PLCZ1: variants seen among roughly 807,000 people sequenced by gnomAD.
The protein encoded by PLCZ1 is phospholipase C zeta 1.
In PLCZ1, 64 loss-of-function variants were observed where a neutral mutation model predicts 76.8. The observed-to-expected ratio is 0.83, with a 90% CI of 0.68 to 1.03. The LOEUF (loss-of-function observed/expected upper bound fraction) is 1.03. PLCZ1 is among the 50% of genes least tolerant of loss of function. The pLI is 0.00. For synonymous variants in PLCZ1, 248 were observed against 230.8 expected (o/e 1.07, Z -0.68); for missense variants, 751 against 713.7 (o/e 1.05, Z -0.60).
In PLCZ1 at chr12:18,696,322, C is replaced by CTATATATATATATCATA. The variant is rs1555180102; in HGVS notation, c.1175-57_1175-56insTATGATATATATATATA. The CTATATATATATATCATA allele has an allele frequency of 1.6e-5, 4 of 253,028 alleles. No homozygotes were observed. In the African/African-American group the frequency reaches 2.4e-4, roughly 15 times the overall value. The allele number at this position is 253,028 out of a possible 1,614,324, so 15.7% of individuals were successfully genotyped here. On this transcript the variant is annotated intron_variant, in intron 10 of 14. Transcript: ENST00000266505. ...GAATTCAAATAAATTTAAAAAGCCACTATATATATATATATATATATATAT... is the reference window on the plus strand; with the variant it reads ...GAATTCAAATAAATTTAAAAAGCCACTATATATATATATCATATATATATATATATATATATATATAT...
chr12:18,705,202 C>CAT lies in PLCZ1; in HGVS notation c.826_827dup (p.Met276IlefsTer16). The CAT allele has an allele frequency of 1.2e-6, 2 of 1,613,984 alleles. No homozygotes were observed. Among genetic ancestry groups the CAT allele is most frequent in the Non-Finnish European group, 1.7e-6 (2 of 1,179,990 alleles). ...GTAGAGTATCAGGAAAATCATCAAGCATATCAGAAAGCAAGGACTCTCCAA... is the reference window on the plus strand; with the variant it reads ...GTAGAGTATCAGGAAAATCATCAAGCATATATCAGAAAGCAAGGACTCTCCAA... On this transcript the variant is annotated frameshift_variant, in exon 7 of 15. Transcript: ENST00000266505. LOFTEE classifies it high-confidence loss of function.
At chr12:18,694,043 A>G in intron 12 of PLCZ1, 7 of 1,395,790 alleles carry the variant, frequency 5.0e-6, no homozygotes, top group East Asian at 2.3e-5. Flanking sequence ...CAAAAAATCT[A>G]AAGAAAATGT....
At chr12:18,709,882 G>A (rs967422814) in intron 6 of PLCZ1, among the ~76,000 whole-genome samples, 22 of 151,706 alleles carry the variant, frequency 1.5e-4, no homozygotes, top group African/African-American at 4.8e-4. Flanking sequence ...TCACTTCCTT[G>A]GTTAAATTTA....
intron 3 of PLCZ1, among the ~76,000 whole-genome samples, chr12:18,726,880 T>C (rs182353559): frequency 9.1e-4 from 139 of 152,270 alleles, no homozygotes; most frequent in Non-Finnish European, 1.7e-3. Context: ...CTAGTTTAAA[T>C]TGTTTGGCAG....
downstream of PLCZ1, among the ~76,000 whole-genome samples, chr12:18,679,060 G>A (rs1228257881): frequency 2.0e-5 from 3 of 152,122 alleles, no homozygotes; most frequent in Admixed American, 6.6e-5. Flanking sequence ...GTGTTAAGTT[G>A]CCTTTCTCTG....
At chr12:18,715,192 GGAGAGAGAGAGA>G (rs140208258) in intron 5 of PLCZ1, among the ~76,000 whole-genome samples, 2 of 8,928 alleles carry the variant, frequency 2.2e-4, no homozygotes, top group African/African-American at 6.6e-4. Context: ...GCGGAGGGAG[GGAGAGAGAGAGA>G]GAGAGAGAGA....
At chr12:18,689,167 A>C (rs1460106726) in intron 12 of PLCZ1, among the ~76,000 whole-genome samples, 1 of 152,266 alleles carries the variant, frequency 6.6e-6, no homozygotes, top group African/African-American at 2.4e-5. Flanking sequence ...GGCCATAAAC[A>C]TATAGTACAC....
intron 6 of PLCZ1, among the ~76,000 whole-genome samples, chr12:18,708,832 G>T (rs1440234596): frequency 6.6e-6 from 1 of 151,918 alleles, no homozygotes; most frequent in Non-Finnish European, 1.5e-5. Flanking sequence ...TGCCTATTCA[G>T]GTTTTTTGTT....
the PLCZ1 span, among the ~76,000 whole-genome samples, chr12:18,657,932 A>G: frequency 6.6e-6 from 1 of 152,166 alleles, no homozygotes; most frequent in African/African-American, 2.4e-5. Flanking sequence ...AGGAAACCAC[A>G]TACAAAGAAC....
chr12:18,735,028 C>A (rs1959189360), intron 3 of PLCZ1, among the ~76,000 whole-genome samples: 1 of 152,032 alleles, frequency 6.6e-6, no homozygotes, highest in Admixed American at 6.6e-5. Flanking sequence ...ATTTTTATCT[C>A]CATTCTGTTA....
intron 9 of PLCZ1, among the ~76,000 whole-genome samples, chr12:18,700,980 A>G (rs1955818226): frequency 1.8e-5 from 1 of 54,762 alleles, no homozygotes; most frequent in African/African-American, 4.2e-5. Flanking sequence ...TATCAATTAT[A>G]GAGATTTTTT....
intron 5 of PLCZ1, 34 bp downstream of exon 5, chr12:18,719,397 T>G: frequency 7.9e-7 from 1 of 1,266,904 alleles, no homozygotes; most frequent in Non-Finnish European, 1.0e-6. Context: ...CCAAGTATTT[T>G]TAAATGTAAT....
chr12:18,646,153 C>T, the PLCZ1 span, among the ~76,000 whole-genome samples: 1 of 151,918 alleles, frequency 6.6e-6, no homozygotes, highest in Non-Finnish European at 1.5e-5. Flanking sequence ...CTTTATTATC[C>T]CAGGAAAACT....
chr12:18,698,441 T>G (rs902378622), intron 10 of PLCZ1, among the ~76,000 whole-genome samples: 2 of 152,114 alleles, frequency 1.3e-5, no homozygotes, highest in African/African-American at 4.8e-5. Context: ...CCAGGATCTC[T>G]CTAATAGATA....
At chr12:18,736,661 G>A in intron 2 of PLCZ1, 2 of 1,292,146 alleles carry the variant, frequency 1.5e-6, no homozygotes, top group Non-Finnish European at 2.0e-6. Context: ...CATGAAGTTG[G>A]AAGGCAGCTA....
At chr12:18,727,182 T>G (rs1028409490) in intron 3 of PLCZ1, among the ~76,000 whole-genome samples, 1 of 149,698 alleles carries the variant, frequency 6.7e-6, no homozygotes, top group Non-Finnish European at 1.5e-5. Context: ...TGTCTCTAAA[T>G]GTAAAAAAAA....
At chr12:18,728,974 A>G (rs532214234) in intron 3 of PLCZ1, among the ~76,000 whole-genome samples, 49 of 152,196 alleles carry the variant, frequency 3.2e-4, no homozygotes, top group South Asian at 1.0e-3. Context: ...GCGGATTTGT[A>G]GGGCAGAATC....
chr12:18,737,268 A>T, intron 2 of PLCZ1, 93 bp downstream of exon 2: 3 of 1,402,464 alleles, frequency 2.1e-6, no homozygotes, highest in Non-Finnish European at 3.0e-6. Flanking sequence ...GAGGACTTAA[A>T]TTCAGAACTC....
intron 12 of PLCZ1, chr12:18,693,841 G>C: frequency 1.3e-6 from 2 of 1,531,438 alleles, no homozygotes; most frequent in Non-Finnish European, 1.8e-6. Context: ...AGTTCCCCCT[G>C]CCTGATGAAA....
Sources: allele counts gnomAD v4.1 joint callset (sites outside exome capture counted in the v4.1 genomes callset), GRCh38; gene constraint gnomAD v4.1.1; transcripts MANE v1.5; gene names NCBI Gene and HGNC (gene_info 2026-07-23, HGNC 2026-07-21).